FKBP5: variants seen among roughly 807,000 people sequenced by gnomAD.
FKBP5 encodes the protein FKBP prolyl isomerase 5, also known as peptidyl-prolyl cis-trans isomerase FKBP5.
A neutral mutation model predicts 50.5 loss-of-function variants in FKBP5; 23 were observed. The ratio of observed to expected loss-of-function variants is 0.46; its 90% CI spans 0.33 to 0.65. FKBP5 has a LOEUF of 0.65. FKBP5 is among the 30% of genes least tolerant of loss of function. The pLI is 0.02. For synonymous variants in FKBP5, 176 were observed against 190.6 expected, an observed-to-expected ratio of 0.92 and a Z score of 0.63; for missense variants, 411 against 553.1, an observed-to-expected ratio of 0.74 and a Z score of 2.58.
At chr6:35,722,169 TTG>T (rs1766622853) in intron 1 of FKBP5, among the ~76,000 whole-genome samples, 3 of 150,528 alleles carry the variant, frequency 2.0e-5, no homozygotes, top group African/African-American at 7.5e-5. Context: ...TCTTACTTAT[TTG>T]TTCTGTTTTT....
intron 9 of FKBP5, among the ~76,000 whole-genome samples, chr6:35,579,767 C>T (rs570316773): frequency 5.3e-5 from 8 of 152,170 alleles, no homozygotes; most frequent in South Asian, 4.2e-4. Context: ...TAAGGAAGGT[C>T]GTGGATAAAA....
chr6:35,697,425 T>C (rs1713261959), intron 2 of FKBP5, among the ~76,000 whole-genome samples: 2 of 151,682 alleles, frequency 1.3e-5, no homozygotes, highest in Non-Finnish European at 2.9e-5. Flanking sequence ...CCCATGCCTG[T>C]AATCCCAGCT....
chr6:35,606,611 G>T (rs769059262), intron 5 of FKBP5, among the ~76,000 whole-genome samples: 12 of 123,444 alleles, frequency 9.7e-5, no homozygotes, highest in South Asian at 2.8e-4. Flanking sequence ...AGTGAGCCAA[G>T]ATCGCGCCAC....
chr6:35,677,493 G>C (rs774337061), intron 1 of FKBP5, among the ~76,000 whole-genome samples: 6 of 152,206 alleles, frequency 3.9e-5, no homozygotes, highest in Admixed American at 1.3e-4. Context: ...GAAAACACTA[G>C]AAAGTCCTGA....
chr6:35,688,706 G>C (rs914937915), intron 1 of FKBP5, 98 bp downstream of exon 1: 2 of 150,768 alleles, frequency 1.3e-5, no homozygotes, highest in Non-Finnish European at 3.0e-5. Context: ...TGGGAGCTGA[G>C]GCAGCGAGTG....
intron 2 of FKBP5, among the ~76,000 whole-genome samples, chr6:35,703,930 A>G (rs1766235324): frequency 6.6e-6 from 1 of 152,238 alleles, no homozygotes; most frequent in Non-Finnish European, 1.5e-5. Context: ...ATCAGTGTTC[A>G]GCAATGGTGG....
At chr6:35,582,859 G>T in intron 8 of FKBP5, 1 of 973,064 alleles carries the variant, frequency 1.0e-6, no homozygotes, top group Non-Finnish European at 1.2e-6. Flanking sequence ...TCAGGGTTTA[G>T]CACCAAGAGG....
intron 1 of FKBP5, among the ~76,000 whole-genome samples, chr6:35,668,281 G>A (rs963166094): frequency 2.0e-5 from 3 of 152,194 alleles, no homozygotes; most frequent in African/African-American, 7.2e-5. Flanking sequence ...AGCATCCCGG[G>A]ACTTTCCTCT....
chr6:35,593,315 T>A (rs780246563), intron 6 of FKBP5, among the ~76,000 whole-genome samples: 1 of 152,184 alleles, frequency 6.6e-6, no homozygotes, highest in Non-Finnish European at 1.5e-5. Context: ...AGAATAGAGA[T>A]ACAAATAATG....
chr6:35,681,535 A>T (rs72903318), intron 1 of FKBP5, among the ~76,000 whole-genome samples: 1 of 152,126 alleles, frequency 6.6e-6, no homozygotes, highest in Non-Finnish European at 1.5e-5. Flanking sequence ...ACTTATACAT[A>T]CTCATCTGTG....
intron 5 of FKBP5, among the ~76,000 whole-genome samples, chr6:35,607,370 C>CT (rs113805586): frequency 0.075 from 10,806 of 144,876 alleles, 742 homozygotes; most frequent in African/African-American, 0.19. Context: ...CATGCTTGGC[C>CT]TTTTTTTTTT....
At chr6:35,605,657 CAA>C (rs1273802740) in intron 5 of FKBP5, among the ~76,000 whole-genome samples, 1 of 152,046 alleles carries the variant, frequency 6.6e-6, no homozygotes, top group Admixed American at 6.6e-5. Flanking sequence ...CTCGGCCTTC[CAA>C]AGTCTTGGGA....
chr6:35,601,467 A>T (rs1479229072), intron 5 of FKBP5, among the ~76,000 whole-genome samples: 1 of 152,212 alleles, frequency 6.6e-6, no homozygotes, highest in East Asian at 1.9e-4. Flanking sequence ...GGAGCCACGG[A>T]AAGACTGCTG....
chr6:35,628,434 ATTTCC>A (rs1764061879), intron 3 of FKBP5, among the ~76,000 whole-genome samples: 1 of 152,216 alleles, frequency 6.6e-6, no homozygotes, highest in Non-Finnish European at 1.5e-5. Context: ...ACTGTAAAAG[ATTTCC>A]TTTCAAAATA....
intron 5 of FKBP5, chr6:35,607,962 T>C (rs1441538059): frequency 6.9e-6 from 1 of 145,464 alleles, no homozygotes; most frequent in Non-Finnish European, 1.5e-5. Context: ...CTCTCCGAAA[T>C]AAAGAATAGC....
intron 3 of FKBP5, among the ~76,000 whole-genome samples, chr6:35,623,364 C>A (rs1184036197): frequency 1.3e-5 from 2 of 152,168 alleles, no homozygotes; most frequent in Non-Finnish European, 2.9e-5. Context: ...TGCAAATAGA[C>A]CTACCTCATT....
intron 5 of FKBP5, among the ~76,000 whole-genome samples, chr6:35,611,301 G>A (rs1018006404): frequency 3.3e-5 from 5 of 152,134 alleles, no homozygotes; most frequent in Middle Eastern, 3.2e-3. Flanking sequence ...TTTGGAGAGG[G>A]AAAGGAGGTA....
chr6:35,682,273 T>C (rs1765688587), intron 1 of FKBP5, among the ~76,000 whole-genome samples: 1 of 152,212 alleles, frequency 6.6e-6, no homozygotes, highest in African/African-American at 2.4e-5. Flanking sequence ...ATATCTAACA[T>C]GGGTAAAGAA....
intron 8 of FKBP5, chr6:35,583,990 A>G (rs1762524570): frequency 1.0e-6 from 1 of 985,214 alleles, no homozygotes; most frequent in Non-Finnish European, 1.2e-6. Context: ...TTCCCAGGAG[A>G]AGCACAAGGG....
Sources: allele counts gnomAD v4.1 joint callset (sites outside exome capture counted in the v4.1 genomes callset), GRCh38; gene constraint gnomAD v4.1.1; transcripts MANE v1.5; gene names NCBI Gene and HGNC (gene_info 2026-07-23, HGNC 2026-07-21).